The following PPM1A variants were observed in gnomAD, a reference collection of about 807,000 sequenced individuals.
The protein encoded by PPM1A is protein phosphatase 1A.
Under a neutral mutation model 35.0 loss-of-function variants are expected in PPM1A, and 7 were observed. The observed-to-expected ratio is 0.20, with a 90% CI of 0.11 to 0.38. The LOEUF (loss-of-function observed/expected upper bound fraction) is 0.38, where lower values mean the gene tolerates loss of function less well. Among genes scored for constraint, PPM1A ranks in the 10% least tolerant of loss-of-function variants. The pLI, the probability that PPM1A is intolerant of heterozygous loss-of-function variation, is 1.00. For synonymous variants in PPM1A, 153 were observed against 167.3 expected, an observed-to-expected ratio of 0.91 and a Z score of 0.66; for missense variants, 239 against 467.8, an observed-to-expected ratio of 0.51 and a Z score of 4.51.
At chr14:60,248,530 A>T (rs1881941516), upstream of PPM1A, 1 of 152,352 alleles carries the variant, frequency 6.6e-6, no homozygotes, top group Non-Finnish European at 1.5e-5. Flanking sequence ...TTGGGTCGCG[A>T]GGTGTGTGGC....
At chr14:60,251,605 A>C (rs903144682) in intron 1 of PPM1A, among the ~76,000 whole-genome samples, 4 of 152,196 alleles carry the variant, frequency 2.6e-5, no homozygotes, top group African/African-American at 9.7e-5. Context: ...CAGTTACTAC[A>C]TTTAAAAATT....
At chr14:60,260,204 G>A (rs905185637) in intron 1 of PPM1A, among the ~76,000 whole-genome samples, 27 of 152,146 alleles carry the variant, frequency 1.8e-4, no homozygotes, top group Non-Finnish European at 4.0e-4. Flanking sequence ...TTTGCTTTTT[G>A]AAATTTTGTA....
rs906299046 is a variant in PPM1A at position 60,251,084 on chromosome 14, G to A, written c.-21+1407G>A. Among the ~76,000 whole-genome samples, 3 of 152,184 alleles carry A rather than the reference G, an allele frequency of 2.0e-5. No individual in the cohort carries two copies. In the South Asian group the frequency reaches 6.2e-4, roughly 31 times the overall value. Reference sequence around the variant, plus strand: ...CAAAGTAACATTTCCTAGTGTTATAGTTTTGTTCTTGTTATGTGTAACTTA... The same window carrying A: ...CAAAGTAACATTTCCTAGTGTTATAATTTTGTTCTTGTTATGTGTAACTTA... On this transcript the variant is annotated intron_variant, in intron 1 of 5. Coordinates refer to ENST00000395076, the MANE Select transcript of PPM1A (RefSeq NM_021003.5).
At chr14:60,269,846 GC>G (rs1884875009) in intron 1 of PPM1A, among the ~76,000 whole-genome samples, 1 of 152,210 alleles carries the variant, frequency 6.6e-6, no homozygotes, top group Admixed American at 6.5e-5. Context: ...ATCGTGCCCA[GC>G]CGATGGCATG....
At chr14:60,247,807 GGA>G (rs58157006), upstream of PPM1A, among the ~76,000 whole-genome samples, 58 of 152,216 alleles carry the variant, frequency 3.8e-4, no homozygotes, top group Middle Eastern at 3.4e-3. Flanking sequence ...AAATGGTTTA[GGA>G]GATAGAAAGT....
intron 1 of PPM1A, among the ~76,000 whole-genome samples, chr14:60,263,709 T>C (rs1884041146): frequency 6.6e-6 from 1 of 152,172 alleles, no homozygotes; most frequent in Non-Finnish European, 1.5e-5. Context: ...ATTTCTTTCT[T>C]GGTCTGCCTG....
chr14:60,295,224 T>C lies in PPM1A; in HGVS notation c.*2742T>C, dbSNP rs1008713431. On this transcript the variant is annotated 3_prime_UTR_variant, in exon 6 of 6. Transcript: ENST00000395076. The stretch of plus-strand genomic sequence containing the variant: ...AACATTTTGTATAGCAGGCTCTGTT[T>C]TACCCTAACATTAAAAAATTTCACT... The C allele has an allele frequency of 6.6e-6, 1 of 151,786 alleles. No homozygotes were observed. Among genetic ancestry groups the C allele is most frequent in the African/African-American group, 2.4e-5 (1 of 41,412 alleles). 9.4% of individuals were successfully genotyped at this position (151,786 alleles called of 1,614,324 possible).
chr14:60,275,428 T>A (rs959640445), intron 1 of PPM1A, among the ~76,000 whole-genome samples: 4 of 152,194 alleles, frequency 2.6e-5, no homozygotes, highest in African/African-American at 9.7e-5. Flanking sequence ...GCATTTTGGC[T>A]CTGATTCATT....
intron 1 of PPM1A, chr14:60,276,882 A>T: frequency 4.4e-6 from 1 of 226,786 alleles, no homozygotes; most frequent in Non-Finnish European, 8.3e-6. Flanking sequence ...TTAATTAATG[A>T]CTTCTTGGCC....
Position 60,298,188 on chromosome 14 carries a change from G to A in PPM1A, c.*5706G>A, listed in dbSNP as rs528391690. 3 of 151,678 alleles carry A rather than the reference G, an allele frequency of 2.0e-5. No individual in the cohort carries two copies. In the South Asian group the frequency reaches 6.2e-4, roughly 31 times the overall value. The allele number at this position is 151,678 out of a possible 1,614,324, so 9.4% of individuals were successfully genotyped here. A position where few individuals can be genotyped will look rare whatever the true frequency, so the allele number is the denominator to read the frequency against. On this transcript the variant is annotated 3_prime_UTR_variant, in exon 6 of 6. Coordinates refer to ENST00000395076, the MANE Select transcript of PPM1A (RefSeq NM_021003.5). Reference sequence around the variant, plus strand: ...CACTTTAGAAATTCAACAGAAAAGAGGTAAAACAGAAATGGAATGTATCTG... The same window carrying A: ...CACTTTAGAAATTCAACAGAAAAGAAGTAAAACAGAAATGGAATGTATCTG...
chr14:60,261,776 A>G (rs2139383200), intron 1 of PPM1A, among the ~76,000 whole-genome samples: 1 of 152,364 alleles, frequency 6.6e-6, no homozygotes, highest in South Asian at 2.1e-4. Context: ...CCTTGATTTT[A>G]TAGATCAAAG....
At chr14:60,252,247 A>C (rs1197536651) in intron 1 of PPM1A, among the ~76,000 whole-genome samples, 2 of 152,182 alleles carry the variant, frequency 1.3e-5, no homozygotes, top group African/African-American at 4.8e-5. Flanking sequence ...TTATCTCTGA[A>C]ATACTCACCC....
At chr14:60,286,934 A>G (rs1326096776) in intron 3 of PPM1A, 10 of 904,108 alleles carry the variant, frequency 1.1e-5, no homozygotes, top group Non-Finnish European at 1.3e-5. Flanking sequence ...ATCATTCAAT[A>G]TAAGTTATTT....
intron 1 of PPM1A, chr14:60,268,267 T>G (rs1884626527): frequency 2.0e-6 from 2 of 982,086 alleles, no homozygotes; most frequent in Non-Finnish European, 2.4e-6. Context: ...GGATAGTTCT[T>G]TAATAACTTT....
chr14:60,285,442 G>T (rs1487777726), intron 2 of PPM1A, among the ~76,000 whole-genome samples, 182 bp from the exon 3 acceptor site: 5 of 149,954 alleles, frequency 3.3e-5, no homozygotes, highest in Non-Finnish European at 5.9e-5. Context: ...TATACTGTTC[G>T]GGGGAGGGGG....
At chr14:60,263,131 T>A in intron 1 of PPM1A, among the ~76,000 whole-genome samples, 1 of 152,018 alleles carries the variant, frequency 6.6e-6, no homozygotes, top group East Asian at 1.9e-4. Context: ...GGCAGGAGAA[T>A]TGCTTGAACC....
upstream of PPM1A, among the ~76,000 whole-genome samples, chr14:60,249,028 G>T (rs1881987184): frequency 6.6e-6 from 1 of 152,134 alleles, no homozygotes; most frequent in Admixed American, 6.5e-5. The surrounding 1 kb of genome is among the most constrained non-coding windows in gnomAD (Gnocchi z 4.5). Flanking sequence ...GCTGGGTAAG[G>T]CAGTGACGTC....
intron 4 of PPM1A, among the ~76,000 whole-genome samples, chr14:60,291,150 A>G (rs1887589551): frequency 6.6e-6 from 1 of 152,050 alleles, no homozygotes. Context: ...TTAATCTGTA[A>G]TTTTTAGCCT....
chr14:60,280,722 C>G (rs1020566294), intron 1 of PPM1A, among the ~76,000 whole-genome samples: 1 of 152,192 alleles, frequency 6.6e-6, no homozygotes, highest in African/African-American at 2.4e-5. Flanking sequence ...CTTAGGCATT[C>G]CATCTAATCT....
Sources: gnomAD v4.1 joint callset for allele counts (sites outside exome capture counted in the v4.1 genomes callset) on GRCh38, gnomAD v4.1.1 for gene constraint, Gnocchi (gnomAD v3.1) non-coding constraint, MANE v1.5 for transcripts, NCBI Gene and HGNC (gene_info 2026-07-23, HGNC 2026-07-21) for gene names.